The following ZNF664 variants were observed in gnomAD, a reference collection of about 807,000 sequenced individuals.
ZNF664 encodes zinc finger protein 664.
In ZNF664, 10 loss-of-function variants were observed where a neutral mutation model predicts 18.2. The ratio of observed to expected loss-of-function variants is 0.55; its 90% CI spans 0.34 to 0.93. The LOEUF (loss-of-function observed/expected upper bound fraction) is 0.93, where lower values mean the gene tolerates loss of function less well. Ranked by LOEUF, ZNF664 falls within the 40% of genes least tolerant of loss-of-function variation. ZNF664 has a pLI of 0.02. For synonymous variants in ZNF664, 119 were observed against 104.2 expected, an observed-to-expected ratio of 1.14 and a Z score of -0.86; for missense variants, 193 against 319.0, an observed-to-expected ratio of 0.61 and a Z score of 3.01.
intron 2 of ZNF664, among the ~76,000 whole-genome samples, chr12:123,976,057 C>A (rs1482163470): frequency 6.6e-6 from 1 of 152,086 alleles, no homozygotes; most frequent in Non-Finnish European, 1.5e-5. Flanking sequence ...ATTTTTCTTT[C>A]TTTCAGATAT....
At chr12:123,980,562 C>G (rs146036143) in intron 2 of ZNF664, among the ~76,000 whole-genome samples, 37 of 152,104 alleles carry the variant, frequency 2.4e-4, no homozygotes, top group Admixed American at 3.9e-4. Flanking sequence ...ATGATACATC[C>G]CCTATATCAT....
At position 124,012,541 on chromosome 12, in the gene ZNF664, C is replaced by T; in HGVS notation, c.397C>T (p.His133Tyr). The change falls in exon 5 of 5, where the codon CAT becomes TAT. Residue 133 changes from histidine (H) to tyrosine (Y), a missense_variant. Physicochemically the swap from His to Tyr is moderately conservative, Grantham distance 83. Coordinates refer to ENST00000337815, the MANE Select transcript of ZNF664 (RefSeq NM_152437.3). ...GFSNSSNLCMHQRVHTGEKPF... is the reference protein window; with the variant it reads ...GFSNSSNLCMYQRVHTGEKPF... ...TAGTAATAGTTCAAACCTTTGCATG[C>T]ATCAGAGAGTCCACACCGGAGAGAA... 1.9e-6 allele frequency: 3 copies of T among 1,614,200 alleles called. No individual in the cohort carries two copies. Among genetic ancestry groups the T allele is most frequent in the Non-Finnish European group, 2.5e-6 (3 of 1,180,034 alleles).
In ZNF664 at chr12:123,973,298, A is replaced by AGGAG. The variant is rs1358593443; in HGVS notation, c.-944_-943insAGGG. On this transcript the variant is annotated 5_prime_UTR_variant, in exon 1 of 5. Transcript: ENST00000337815. Reference sequence around the variant, plus strand: ...GCACCTGTGAGGTGTCCCTGAGGAGAGGGAGGTGGGTGCGCGGCGCCCGCG... The same window carrying AGGAG: ...GCACCTGTGAGGTGTCCCTGAGGAGAGGAGGGGAGGTGGGTGCGCGGCGCCCGCG... The AGGAG allele has an allele frequency of 3.1e-6, 3 of 981,604 alleles. No individual in the cohort carries two copies. The East Asian group carries it at 3.5e-4, about 115-fold the overall frequency. The allele number at this position is 981,604 out of a possible 1,614,324, so 60.8% of individuals were successfully genotyped here.
chr12:124,005,997 G>T (rs746394632), intron 3 of ZNF664: 1 of 152,418 alleles, frequency 6.6e-6, no homozygotes, highest in Non-Finnish European at 1.5e-5. Context: ...GAGGCACTTG[G>T]CCTCCTGCTT....
intron 3 of ZNF664, among the ~76,000 whole-genome samples, chr12:124,007,727 A>G (rs142140574): frequency 1.3e-5 from 2 of 152,304 alleles, no homozygotes; most frequent in Admixed American, 6.5e-5. Context: ...AATTTCAACC[A>G]TACACAATAT....
chr12:123,981,957 T>A (rs1332395133), intron 2 of ZNF664, among the ~76,000 whole-genome samples: 1 of 152,246 alleles, frequency 6.6e-6, no homozygotes, highest in Non-Finnish European at 1.5e-5. Flanking sequence ...TGAGACTGCA[T>A]GACCTCGACT....
At chr12:123,989,648 A>T (rs1231149483) in intron 3 of ZNF664, among the ~76,000 whole-genome samples, 1 of 152,190 alleles carries the variant, frequency 6.6e-6, no homozygotes, top group Non-Finnish European at 1.5e-5. Flanking sequence ...AGTCCTGTGT[A>T]CATGTCCATC....
Position 124,013,466 on chromosome 12 carries a change from A to G in ZNF664, c.*536A>G, listed in dbSNP as rs750540214. On this transcript the variant is annotated 3_prime_UTR_variant, in exon 5 of 5. Coordinates refer to ENST00000337815, the MANE Select transcript of ZNF664 (RefSeq NM_152437.3). ...TTATTTCTGAATATATGTCCTCAAA[A>G]TCCCCATAAATATCCATCCCTTCCT... 7.1e-5 allele frequency: 12 copies of G among 170,184 alleles called. No homozygotes were observed. Among genetic ancestry groups the G allele is most frequent in the Admixed American group, 1.9e-4 (3 of 16,014 alleles). The allele number at this position is 170,184 out of a possible 1,614,324, so 10.5% of individuals were successfully genotyped here. A position where few individuals can be genotyped will look rare whatever the true frequency, so the allele number is the denominator to read the frequency against.
At position 123,974,020 on chromosome 12, in the gene ZNF664, G is replaced by A; in HGVS notation, c.-757G>A. 8.1e-7 allele frequency: 1 copy of A among 1,230,906 alleles called. No homozygotes were observed. The highest frequency in any genetic ancestry group is 1.0e-6 in the Non-Finnish European group (1 of 987,518). 76.2% of individuals were successfully genotyped at this position (1,230,906 alleles called of 1,614,324 possible). A position where few individuals can be genotyped will look rare whatever the true frequency, so the allele number is the denominator to read the frequency against. ...ACAACAAGGGCCGGATTCTCACCCA[G>A]GTAAACCGGCTGCCGGCGCTGTCCA... On this transcript the variant is annotated splice_region_variant and 5_prime_UTR_variant, in exon 2 of 5. Coordinates refer to ENST00000337815, the MANE Select transcript of ZNF664 (RefSeq NM_152437.3).
Position 123,973,266 on chromosome 12 carries a change from C to T in ZNF664, c.-978C>T. 3.0e-6 allele frequency: 3 copies of T among 1,002,506 alleles called. 1 individual carries two copies. The highest frequency in any genetic ancestry group is 1.7e-5 in the African/African-American group (1 of 57,194). 62.1% of individuals were successfully genotyped at this position (1,002,506 alleles called of 1,614,324 possible). A position where few individuals can be genotyped will look rare whatever the true frequency, so the allele number is the denominator to read the frequency against. Reference sequence around the variant, plus strand: ...GTGCGGAGCGCGCGCGCGCGCGGCTCGGAGGCGCACCTGTGAGGTGTCCCT... The same window carrying T: ...GTGCGGAGCGCGCGCGCGCGCGGCTTGGAGGCGCACCTGTGAGGTGTCCCT... On this transcript the variant is annotated 5_prime_UTR_variant, in exon 1 of 5. Coordinates refer to ENST00000337815, the MANE Select transcript of ZNF664 (RefSeq NM_152437.3).
At chr12:124,006,191 G>T in intron 3 of ZNF664, 1 of 152,358 alleles carries the variant, frequency 6.6e-6, no homozygotes, top group Non-Finnish European at 1.5e-5. Context: ...GTGGAACATC[G>T]ATTGTAGCTT....
chr12:124,007,712 A>G (rs113076100), intron 3 of ZNF664, among the ~76,000 whole-genome samples: 6 of 152,014 alleles, frequency 3.9e-5, no homozygotes, highest in East Asian at 1.9e-4. Flanking sequence ...TTTTTTAACC[A>G]TGAAAATTTC....
At chr12:123,986,485 C>T (rs1296235358) in intron 2 of ZNF664, among the ~76,000 whole-genome samples, 1 of 152,198 alleles carries the variant, frequency 6.6e-6, no homozygotes, top group Non-Finnish European at 1.5e-5. Context: ...GATTCTACTT[C>T]CTCATGAGTT....
chr12:123,979,755 G>A (rs1301854769), intron 2 of ZNF664, among the ~76,000 whole-genome samples: 1 of 152,114 alleles, frequency 6.6e-6, no homozygotes, highest in African/African-American at 2.4e-5. Flanking sequence ...ATGTGGTTCA[G>A]TGTAGCCTCA....
chr12:123,989,680 G>A (rs936559682), intron 3 of ZNF664, among the ~76,000 whole-genome samples: 2 of 152,126 alleles, frequency 1.3e-5, no homozygotes, highest in Non-Finnish European at 2.9e-5. Context: ...GAAGTTAGGG[G>A]TGTTTGCTGA....
intron 3 of ZNF664, among the ~76,000 whole-genome samples, chr12:124,002,968 A>G (rs191311048): frequency 6.6e-6 from 1 of 152,150 alleles, no homozygotes; most frequent in South Asian, 2.1e-4. Context: ...AGTAAAAGGA[A>G]CAAGGAGTGG....
At chr12:123,999,441 C>T (rs1257829170) in intron 3 of ZNF664, among the ~76,000 whole-genome samples, 1 of 152,098 alleles carries the variant, frequency 6.6e-6, no homozygotes, top group Non-Finnish European at 1.5e-5. Flanking sequence ...CATAGGAAGA[C>T]CTGTACTCAT....
Position 123,973,260 on chromosome 12 carries a change from G to T in ZNF664, c.-984G>T, listed in dbSNP as rs1956614010. The T allele has an allele frequency of 2.0e-6, 2 of 999,434 alleles. No homozygotes were observed. The highest frequency in any genetic ancestry group is 2.4e-6 in the Non-Finnish European group (2 of 841,948). The allele number at this position is 999,434 out of a possible 1,614,324, so 61.9% of individuals were successfully genotyped here. ...CTGGGTGTGCGGAGCGCGCGCGCGC[G>T]CGGCTCGGAGGCGCACCTGTGAGGT... On this transcript the variant is annotated 5_prime_UTR_variant, in exon 1 of 5. Transcript: ENST00000337815.
chr12:123,986,814 G>T (rs1036155120), intron 2 of ZNF664, among the ~76,000 whole-genome samples: 9 of 152,184 alleles, frequency 5.9e-5, no homozygotes, highest in African/African-American at 2.2e-4. Flanking sequence ...GTATAGTTCA[G>T]TAAGGGAGGA....
Sources: allele counts gnomAD v4.1 joint callset (sites outside exome capture counted in the v4.1 genomes callset), GRCh38; gene constraint gnomAD v4.1.1; transcripts MANE v1.5; gene names NCBI Gene and HGNC (gene_info 2026-07-23, HGNC 2026-07-21).